Variants in ROBO2 observed in about 807,000 individuals in gnomAD.
ROBO2 encodes the protein roundabout guidance receptor 2.
In ROBO2, 53 loss-of-function variants were observed where a neutral mutation model predicts 160.8. That is an observed-to-expected ratio of 0.33 (90% CI 0.26 to 0.41). ROBO2 has a LOEUF of 0.41. ROBO2 is among the 10% of genes least tolerant of loss of function. The pLI is 1.00. For missense variants in ROBO2, 1,577 were observed against 1,722.4 expected, an observed-to-expected ratio of 0.92 and a Z score of 1.49; for synonymous variants, 664 against 611.7, an observed-to-expected ratio of 1.09 and a Z score of -1.26.
At chr3:77,206,722 A>G (rs937432968) in intron 2 of ROBO2, among the ~76,000 whole-genome samples, 3 of 151,942 alleles carry the variant, frequency 2.0e-5, no homozygotes, top group African/African-American at 7.2e-5. Context: ...TTTTTGCATG[A>G]AATTAATTTA....
intron 2 of ROBO2, among the ~76,000 whole-genome samples, chr3:76,046,276 A>G (rs2107790405): frequency 6.6e-6 from 1 of 152,122 alleles, no homozygotes; most frequent in South Asian, 2.1e-4. Flanking sequence ...ATATTTATGG[A>G]AGATGGCCTG....
intron 6 of ROBO2, among the ~76,000 whole-genome samples, chr3:77,536,731 A>G (rs968091974): frequency 6.6e-6 from 1 of 152,172 alleles, no homozygotes; most frequent in African/African-American, 2.4e-5. Context: ...AGTATTATGA[A>G]TTGAATTGCC....
At chr3:76,775,582 C>T (rs1003938409) in intron 2 of ROBO2, among the ~76,000 whole-genome samples, 2 of 150,670 alleles carry the variant, frequency 1.3e-5, no homozygotes, top group African/African-American at 4.8e-5. Context: ...CACAGTTGCA[C>T]AAAAATACCA....
chr3:76,032,558 CTT>C (rs1375268848), intron 2 of ROBO2, among the ~76,000 whole-genome samples: 1 of 152,116 alleles, frequency 6.6e-6, no homozygotes, highest in East Asian at 1.9e-4. Context: ...TATGTTGTGT[CTT>C]TGTTCTCATT....
At chr3:76,443,892 G>A (rs1007158608) in intron 2 of ROBO2, among the ~76,000 whole-genome samples, 2 of 152,116 alleles carry the variant, frequency 1.3e-5, no homozygotes, top group Non-Finnish European at 2.9e-5. Context: ...TACTTTGATG[G>A]AATTTGTGGC....
At chr3:77,606,424 T>C (rs895244403) in intron 20 of ROBO2, among the ~76,000 whole-genome samples, 11 of 152,166 alleles carry the variant, frequency 7.2e-5, no homozygotes, top group Non-Finnish European at 1.5e-4. Context: ...GATACGAAAC[T>C]CTTGTCCTCT....
intron 2 of ROBO2, among the ~76,000 whole-genome samples, chr3:76,450,032 A>G (rs1413136890): frequency 6.6e-6 from 1 of 152,204 alleles, no homozygotes; most frequent in Non-Finnish European, 1.5e-5. Context: ...AATAATCTTC[A>G]TCATCAAGAA....
chr3:77,395,668 A>G (rs556667562), intron 2 of ROBO2, among the ~76,000 whole-genome samples: 3 of 152,138 alleles, frequency 2.0e-5, no homozygotes, highest in Non-Finnish European at 4.4e-5. Flanking sequence ...GTAGATCTAA[A>G]TGTAATCGTG....
At chr3:77,551,916 A>G (rs550235724) in intron 8 of ROBO2, among the ~76,000 whole-genome samples, 1 of 152,114 alleles carries the variant, frequency 6.6e-6, no homozygotes, top group East Asian at 1.9e-4. Context: ...TGTTCATGGT[A>G]TGGCCTGATT....
At chr3:76,219,666 G>T (rs1703823730) in intron 2 of ROBO2, among the ~76,000 whole-genome samples, 1 of 152,156 alleles carries the variant, frequency 6.6e-6, no homozygotes, top group Admixed American at 6.5e-5. Context: ...TCATTAAAAA[G>T]TCAGGAAACA....
chr3:77,239,032 C>T (rs187247947), intron 2 of ROBO2, among the ~76,000 whole-genome samples: 1 of 152,272 alleles, frequency 6.6e-6, no homozygotes, highest in Non-Finnish European at 1.5e-5. Context: ...CTGTGGAATC[C>T]ACAGACACAA....
At chr3:76,293,807 C>T (rs1036793694) in intron 2 of ROBO2, among the ~76,000 whole-genome samples, 2 of 152,296 alleles carry the variant, frequency 1.3e-5, no homozygotes, top group South Asian at 2.1e-4. Flanking sequence ...AGACTATAAC[C>T]GTTCTATTGT....
At position 77,565,353 on chromosome 3, in the gene ROBO2, G is replaced by A. The variant is rs533100688; in HGVS notation, c.1849+233G>A. 7.2e-5 allele frequency among the ~76,000 whole-genome samples: 11 copies of A among 152,144 alleles called. No individual in the cohort carries two copies. In the South Asian group the frequency reaches 1.5e-3, roughly 20 times the overall value. ...AATAAAAATAATTGGGTACCTCTACGTCGAATGAATTCACTAAATTAGAGC... is the reference window on the plus strand; with the variant it reads ...AATAAAAATAATTGGGTACCTCTACATCGAATGAATTCACTAAATTAGAGC... On this transcript the variant is annotated intron_variant, in intron 12 of 25. Coordinates refer to ENST00000461745, the Ensembl canonical transcript of ROBO2.
At chr3:76,925,797 A>G (rs2076956348) in intron 2 of ROBO2, among the ~76,000 whole-genome samples, 1 of 152,176 alleles carries the variant, frequency 6.6e-6, no homozygotes, top group African/African-American at 2.4e-5. Flanking sequence ...TTGTCATCTG[A>G]TCATAGTAGG....
intron 2 of ROBO2, among the ~76,000 whole-genome samples, chr3:76,011,191 T>C (rs930847917): frequency 2.0e-5 from 3 of 152,132 alleles, no homozygotes; most frequent in African/African-American, 7.2e-5. Context: ...TTCTTAGAAG[T>C]TGCAGGGGCT....
intron 2 of ROBO2, among the ~76,000 whole-genome samples, chr3:76,804,164 T>A (rs576833338): frequency 6.6e-6 from 1 of 152,274 alleles, no homozygotes; most frequent in Middle Eastern, 3.4e-3. Flanking sequence ...GAGAGAACGA[T>A]GAATGCTAAG....
chr3:76,029,928 G>C (rs1044171942), intron 2 of ROBO2, among the ~76,000 whole-genome samples: 47 of 152,144 alleles, frequency 3.1e-4, no homozygotes, highest in African/African-American at 1.1e-3. Flanking sequence ...AGAGATCCTT[G>C]AGGAATCACC....
chr3:76,993,621 C>T (rs766519123), intron 2 of ROBO2, among the ~76,000 whole-genome samples: 4 of 151,986 alleles, frequency 2.6e-5, no homozygotes, highest in Non-Finnish European at 5.9e-5. Context: ...GTTTAGTTAG[C>T]GTGTTTCCAT....
chr3:77,322,382 A>G (rs1232801422), intron 2 of ROBO2, among the ~76,000 whole-genome samples: 1 of 152,166 alleles, frequency 6.6e-6, no homozygotes, highest in Non-Finnish European at 1.5e-5. Flanking sequence ...AGGTCTGGTG[A>G]TGGGAGAATT....
Sources: allele counts gnomAD v4.1 joint callset (sites outside exome capture counted in the v4.1 genomes callset), GRCh38; gene constraint gnomAD v4.1.1; transcripts MANE v1.5; gene names NCBI Gene and HGNC (gene_info 2026-07-23, HGNC 2026-07-21).